The following PDGFD variants were observed in gnomAD, a reference collection of about 807,000 sequenced individuals.
PDGFD encodes platelet derived growth factor D.
Under a neutral mutation model 44.7 loss-of-function variants are expected in PDGFD, and 30 were observed. The ratio of observed to expected loss-of-function variants is 0.67; its 90% CI spans 0.50 to 0.91. The LOEUF (loss-of-function observed/expected upper bound fraction) is 0.91. PDGFD is among the 40% of genes least tolerant of loss of function. PDGFD has a pLI of 0.00. For synonymous variants in PDGFD, 173 were observed against 168.4 expected, an observed-to-expected ratio of 1.03 and a Z score of -0.21; for missense variants, 445 against 457.8, an observed-to-expected ratio of 0.97 and a Z score of 0.25.
chr11:103,983,762 AACAG>A (rs984597285), intron 3 of PDGFD, among the ~76,000 whole-genome samples: 112 of 152,062 alleles, frequency 7.4e-4, no homozygotes, highest in Non-Finnish European at 8.8e-4. Flanking sequence ...AAAGGACGTG[AACAG>A]ACACTTTTCA....
intron 1 of PDGFD, among the ~76,000 whole-genome samples, chr11:104,089,077 A>T (rs1469991706): frequency 6.6e-6 from 1 of 152,230 alleles, no homozygotes; most frequent in African/African-American, 2.4e-5. Context: ...TAAGTGGTAA[A>T]CTGGTAAATT....
chr11:103,995,179 C>G (rs938369778), intron 3 of PDGFD, among the ~76,000 whole-genome samples: 2 of 152,118 alleles, frequency 1.3e-5, no homozygotes, highest in Non-Finnish European at 2.9e-5. Context: ...CCACACCTGG[C>G]CTGTTGCTGC....
chr11:103,922,317 C>A (rs1377169103), intron 6 of PDGFD, among the ~76,000 whole-genome samples: 4 of 152,144 alleles, frequency 2.6e-5, no homozygotes, highest in African/African-American at 9.7e-5. Context: ...AAAATCACTA[C>A]CCAAATTATC....
intron 1 of PDGFD, among the ~76,000 whole-genome samples, chr11:104,149,730 G>A (rs569943784): frequency 1.3e-5 from 2 of 152,154 alleles, no homozygotes; most frequent in South Asian, 4.1e-4. Context: ...CCAGTTCCAG[G>A]GTCTCAGGTG....
chr11:103,986,142 C>T (rs1336417713), intron 3 of PDGFD, among the ~76,000 whole-genome samples: 1 of 152,140 alleles, frequency 6.6e-6, no homozygotes, highest in Non-Finnish European at 1.5e-5. Context: ...ATAAAGGGAA[C>T]ATTTAGGACA....
chr11:104,049,378 G>A (rs748010478), intron 1 of PDGFD, among the ~76,000 whole-genome samples: 1 of 152,156 alleles, frequency 6.6e-6, no homozygotes, highest in Non-Finnish European at 1.5e-5. Flanking sequence ...GTTCAAGGAC[G>A]AACGACAAAG....
intron 1 of PDGFD, among the ~76,000 whole-genome samples, chr11:104,137,571 C>T (rs1292116871): frequency 6.6e-6 from 1 of 152,068 alleles, no homozygotes; most frequent in Non-Finnish European, 1.5e-5. Context: ...GTATTCCATA[C>T]TTTACAATGT....
At chr11:104,137,162 A>G (rs1399011130) in intron 1 of PDGFD, among the ~76,000 whole-genome samples, 3 of 152,208 alleles carry the variant, frequency 2.0e-5, no homozygotes, top group Non-Finnish European at 4.4e-5. Flanking sequence ...ATTGTCAATA[A>G]TAAGTCCATT....
chr11:103,988,633 G>A (rs934307072), intron 3 of PDGFD, among the ~76,000 whole-genome samples: 6 of 152,052 alleles, frequency 3.9e-5, no homozygotes, highest in Non-Finnish European at 5.9e-5. Context: ...GCAACTTTAC[G>A]CACAACTTCG....
At chr11:103,920,151 T>C (rs894500314) in intron 6 of PDGFD, among the ~76,000 whole-genome samples, 1 of 152,214 alleles carries the variant, frequency 6.6e-6, no homozygotes, top group Non-Finnish European at 1.5e-5. Context: ...CAGTGTTATA[T>C]TAAGAAGTTA....
At position 104,126,171 on chromosome 11, in the gene PDGFD, C is replaced by T. The variant is rs115543783; in HGVS notation, c.124+37633G>A. Among the ~76,000 whole-genome samples, 1,103 of 152,266 alleles carry T rather than the reference C, an allele frequency of 7.2e-3. 7 individuals are homozygous for T. Among genetic ancestry groups the T allele is most frequent in the African/African-American group, 0.024 (984 of 41,564 alleles). On this transcript the variant is annotated intron_variant, in intron 1 of 6. Coordinates refer to ENST00000393158, the MANE Select transcript of PDGFD (RefSeq NM_025208.5). ...CCACAAAAGAGAAACTTAGTCTACA[C>T]GCAATGAATTTGGAATAAAAATCTG...
chr11:104,074,842 G>C (rs1860932124), intron 1 of PDGFD, among the ~76,000 whole-genome samples: 2 of 152,190 alleles, frequency 1.3e-5, no homozygotes, highest in African/African-American at 4.8e-5. Flanking sequence ...GAGGGAGCAA[G>C]TAGGTAGATG....
Position 103,947,678 on chromosome 11 carries a change from A to C in PDGFD, c.557T>G (p.Val186Gly). 6.2e-7 allele frequency: 1 copy of C among 1,613,416 alleles called. No homozygotes were observed. Among genetic ancestry groups the C allele is most frequent in the Non-Finnish European group, 8.5e-7 (1 of 1,179,472 alleles). The change falls in exon 4 of 7, where the codon GTC becomes GGC. Residue 186 changes from valine to glycine, a missense_variant. Val to Gly is a moderately radical substitution (Grantham distance 109). Transcript: ENST00000393158. ...AAASETNWES[V>G]TSSISGVSYN... ...ATTACTTACTGAAATAGAGCTTGTG[A>C]CAGATTCCCAGTTGGTCTCTGAAGC...
At chr11:104,090,479 A>G (rs915710576) in intron 1 of PDGFD, among the ~76,000 whole-genome samples, 2 of 151,610 alleles carry the variant, frequency 1.3e-5, no homozygotes, top group African/African-American at 4.8e-5. Context: ...AAATACAAAA[A>G]TCAGCCAGGT....
chr11:103,933,493 G>A (rs983298476), intron 5 of PDGFD, among the ~76,000 whole-genome samples: 1 of 152,180 alleles, frequency 6.6e-6, no homozygotes, highest in Admixed American at 6.5e-5. Flanking sequence ...TGAATTTTGT[G>A]ACTCCACATG....
At chr11:104,003,094 G>A (rs534395737) in intron 1 of PDGFD, among the ~76,000 whole-genome samples, 3 of 152,180 alleles carry the variant, frequency 2.0e-5, no homozygotes, top group African/African-American at 4.8e-5. Flanking sequence ...TCTTGTCTTC[G>A]TACACTTGGA....
chr11:103,920,539 G>C (rs1323111330), intron 6 of PDGFD, among the ~76,000 whole-genome samples: 1 of 152,200 alleles, frequency 6.6e-6, no homozygotes, highest in African/African-American at 2.4e-5. Context: ...TGGCAGGAAG[G>C]CCTGATGTGA....
intron 2 of PDGFD, among the ~76,000 whole-genome samples, chr11:103,998,357 C>T (rs571338306): frequency 2.6e-4 from 40 of 152,258 alleles, no homozygotes; most frequent in African/African-American, 9.4e-4. Flanking sequence ...ATTTTGGCTC[C>T]ACCCCTAGAC....
At chr11:103,913,968 G>A (rs575992450) in intron 6 of PDGFD, among the ~76,000 whole-genome samples, 29 of 152,226 alleles carry the variant, frequency 1.9e-4, no homozygotes, top group African/African-American at 5.1e-4. Flanking sequence ...AAAAGGGGGT[G>A]AATGCAGAAA....
Sources: allele counts gnomAD v4.1 joint callset (sites outside exome capture counted in the v4.1 genomes callset), GRCh38; gene constraint gnomAD v4.1.1; transcripts MANE v1.5; gene names NCBI Gene and HGNC (gene_info 2026-07-23, HGNC 2026-07-21).